Variants in EIPR1 observed in about 807,000 individuals in gnomAD.
EIPR1 encodes the protein EARP complex and GARP complex interacting protein 1.
In EIPR1, 25 loss-of-function variants were observed where a neutral mutation model predicts 48.1. That is an observed-to-expected ratio of 0.52 (90% CI 0.38 to 0.73). The LOEUF (loss-of-function observed/expected upper bound fraction) is 0.73. EIPR1 is among the 30% of genes least tolerant of loss of function. The probability of loss-of-function intolerance (pLI) is 0.00; values close to 1 mark genes in which losing one functional copy is unlikely to be tolerated. For synonymous variants in EIPR1, 204 were observed against 201.9 expected (o/e 1.01, Z -0.09); for missense variants, 415 against 506.2 (o/e 0.82, Z 1.73).
intron 5 of EIPR1, among the ~76,000 whole-genome samples, chr2:3,206,444 A>G (rs1665238511): frequency 6.6e-6 from 1 of 152,228 alleles, no homozygotes; most frequent in Non-Finnish European, 1.5e-5. Context: ...GCTGACCCGC[A>G]TGAGAGTCTG....
intron 5 of EIPR1, among the ~76,000 whole-genome samples, chr2:3,200,603 A>C (rs1433616172): frequency 1.3e-5 from 2 of 150,724 alleles, no homozygotes; most frequent in African/African-American, 4.9e-5. Context: ...AGCAGCCGCC[A>C]CGTGTGGGGC....
At position 3,194,262 on chromosome 2, in the gene EIPR1, C is replaced by A. The variant is rs942800610; in HGVS notation, c.654-96G>T. 3 of 1,489,070 alleles carry A rather than the reference C, an allele frequency of 2.0e-6. No individual in the cohort carries two copies. In the African/African-American group the frequency reaches 4.1e-5, roughly 21 times the overall value. The allele number at this position is 1,489,070 out of a possible 1,614,324, so 92.2% of individuals were successfully genotyped here. On this transcript the variant is annotated intron_variant, in intron 6 of 8. Transcript: ENST00000382125. ...ACACACTGGTTTCCCGGGACCCTGT[C>A]TAATCCCCCGGCCCAGGGTGCTCTC... is the stretch of plus-strand genomic sequence containing the variant.
chr2:3,362,717 T>A (rs1417715932), intron 1 of EIPR1, among the ~76,000 whole-genome samples: 1 of 149,022 alleles, frequency 6.7e-6, no homozygotes, highest in African/African-American at 2.5e-5. Flanking sequence ...CTTAGAAACA[T>A]CTATAATCCA....
intron 2 of EIPR1, among the ~76,000 whole-genome samples, chr2:3,345,800 G>A (rs1670381857): frequency 6.6e-6 from 1 of 152,042 alleles, no homozygotes; most frequent in Non-Finnish European, 1.5e-5. Context: ...ATGTAGGAAG[G>A]GAATGCGGCC....
intron 4 of EIPR1, 33 bp downstream of exon 4, chr2:3,257,266 C>T (rs376083382): frequency 1.2e-4 from 192 of 1,592,046 alleles, no homozygotes; most frequent in Middle Eastern, 3.4e-4. Flanking sequence ...CCTGCAGGCT[C>T]GTTCTGGGCG....
chr2:3,371,012 G>A, intron 1 of EIPR1, among the ~76,000 whole-genome samples: 1 of 152,210 alleles, frequency 6.6e-6, no homozygotes, highest in African/African-American at 2.4e-5. Context: ...CCCACAAAGG[G>A]AAGCCCATCA....
intron 3 of EIPR1, among the ~76,000 whole-genome samples, chr2:3,291,017 C>G (rs941340706): frequency 6.6e-6 from 1 of 152,186 alleles, no homozygotes; most frequent in Admixed American, 6.5e-5. Context: ...AGGAAGTAAA[C>G]TGGGTCTAAA....
At chr2:3,278,957 C>T (rs1484328202) in intron 3 of EIPR1, among the ~76,000 whole-genome samples, 1 of 152,194 alleles carries the variant, frequency 6.6e-6, no homozygotes, top group Non-Finnish European at 1.5e-5. Flanking sequence ...GTGAGTTCAC[C>T]TGTGCTCTGA....
intron 3 of EIPR1, 28 bp downstream of exon 3, chr2:3,337,979 CCTCCAGTTAG>C: frequency 3.2e-6 from 5 of 1,566,022 alleles, no homozygotes; most frequent in Non-Finnish European, 4.3e-6. Flanking sequence ...CCTCCAGTTA[CCTCCAGTTAG>C]CAAGTACCTT....
At position 3,333,510 on chromosome 2, in the gene EIPR1, G is replaced by A. The variant is rs140738132; in HGVS notation, c.259+4507C>T. 1.6e-3 allele frequency among the ~76,000 whole-genome samples: 248 copies of A among 152,090 alleles called. 1 individual carries two copies. The highest frequency in any genetic ancestry group is 0.014 in the Middle Eastern group (4 of 294). Reference sequence around the variant, plus strand: ...CCCAGTGCTTTGGGAGGGTGAAGCGGGTAGATCATTTGAGCTCAGGAGTTC... The same window carrying A: ...CCCAGTGCTTTGGGAGGGTGAAGCGAGTAGATCATTTGAGCTCAGGAGTTC... On this transcript the variant is annotated intron_variant, in intron 3 of 8. Coordinates refer to ENST00000382125, the MANE Select transcript of EIPR1 (RefSeq NM_003310.5).
At chr2:3,352,346 A>T (rs1391267163) in intron 2 of EIPR1, among the ~76,000 whole-genome samples, 1 of 150,290 alleles carries the variant, frequency 6.7e-6, no homozygotes, top group Non-Finnish European at 1.5e-5. Flanking sequence ...ATGCTACAGA[A>T]GCTACCTGCC....
At chr2:3,375,435 C>G (rs1233934700) in intron 1 of EIPR1, among the ~76,000 whole-genome samples, 1 of 151,992 alleles carries the variant, frequency 6.6e-6, no homozygotes, top group Admixed American at 6.5e-5. Flanking sequence ...CAGTTAACCT[C>G]AAAGATACAA....
intron 4 of EIPR1, among the ~76,000 whole-genome samples, chr2:3,230,348 T>G (rs1183504065): frequency 1.3e-5 from 2 of 152,080 alleles, no homozygotes; most frequent in Non-Finnish European, 2.9e-5. Context: ...TCTTTGTGGG[T>G]GTGTGTGGGG....
At chr2:3,233,173 CAT>C (rs571906124) in intron 4 of EIPR1, among the ~76,000 whole-genome samples, 237 of 152,130 alleles carry the variant, frequency 1.6e-3, no homozygotes, top group Non-Finnish European at 2.2e-3. Flanking sequence ...TACTTACAAA[CAT>C]GTGATCAGGC....
intron 3 of EIPR1, among the ~76,000 whole-genome samples, chr2:3,287,114 G>C (rs1668210233): frequency 6.6e-6 from 1 of 152,222 alleles, no homozygotes; most frequent in South Asian, 2.1e-4. Flanking sequence ...CCTAGACCCA[G>C]CTGCAGCACC....
At chr2:3,272,616 T>G (rs1244182652) in intron 3 of EIPR1, among the ~76,000 whole-genome samples, 7 of 152,200 alleles carry the variant, frequency 4.6e-5, no homozygotes, top group African/African-American at 1.7e-4. Context: ...TACATGGGCA[T>G]GGTTCGTGGA....
At chr2:3,271,346 C>A (rs1344661716) in intron 3 of EIPR1, among the ~76,000 whole-genome samples, 1 of 152,170 alleles carries the variant, frequency 6.6e-6, no homozygotes, top group African/African-American at 2.4e-5. Context: ...ATGGTGAATC[C>A]TTTCTAGGTT....
At chr2:3,371,694 T>C (rs1208923694) in intron 1 of EIPR1, among the ~76,000 whole-genome samples, 14 of 152,192 alleles carry the variant, frequency 9.2e-5, no homozygotes, top group Non-Finnish European at 1.5e-5. Context: ...ATCCTAAATA[T>C]ATATGCACCC....
chr2:3,358,893 C>T (rs140460968), intron 1 of EIPR1, among the ~76,000 whole-genome samples: 1 of 152,284 alleles, frequency 6.6e-6, no homozygotes, highest in Non-Finnish European at 1.5e-5. Flanking sequence ...AGCCCAAAAG[C>T]CCCCAAAAAT....
Sources: gnomAD v4.1 joint callset for allele counts (sites outside exome capture counted in the v4.1 genomes callset) on GRCh38, gnomAD v4.1.1 for gene constraint, MANE v1.5 for transcripts, NCBI Gene and HGNC (gene_info 2026-07-23, HGNC 2026-07-21) for gene names.